The following RARB variants were observed in gnomAD, a reference collection of about 807,000 sequenced individuals.
RARB encodes retinoic acid receptor beta.
RARB carries 17 observed loss-of-function variants against 51.9 expected under a neutral mutation model. The observed-to-expected ratio is 0.33, with a 90% CI of 0.22 to 0.49. The LOEUF is 0.49. RARB is among the 20% of genes least tolerant of loss of function. The pLI is 0.99. For missense variants in RARB, 369 were observed against 550.8 expected (o/e 0.67, Z 3.30); for synonymous variants, 215 against 195.4 (o/e 1.10, Z -0.84).
At chr3:25,502,681 G>C (rs1195901051) in intron 3 of RARB, among the ~76,000 whole-genome samples, 2 of 152,138 alleles carry the variant, frequency 1.3e-5, no homozygotes, top group Non-Finnish European at 2.9e-5. Flanking sequence ...GGTTCAATGA[G>C]AGGGAATTCA....
At chr3:25,475,823 A>G (rs1695918506) in intron 2 of RARB, among the ~76,000 whole-genome samples, 1 of 152,228 alleles carries the variant, frequency 6.6e-6, no homozygotes, top group Non-Finnish European at 1.5e-5. Context: ...TCACAGTAAC[A>G]TCCTTTCTTC....
intron 5 of RARB, among the ~76,000 whole-genome samples, chr3:25,355,532 C>T (rs1279694457): frequency 1.3e-5 from 2 of 151,956 alleles, no homozygotes; most frequent in Non-Finnish European, 2.9e-5. Flanking sequence ...TGTCACTTCT[C>T]CAGCTTTGTT....
intron 2 of RARB, among the ~76,000 whole-genome samples, chr3:24,958,255 GTTTTTTTTTT>G (rs71057692): frequency 8.2e-4 from 57 of 69,474 alleles, no homozygotes; most frequent in African/African-American, 2.1e-3. Context: ...AGCTGCTCAG[GTTTTTTTTTT>G]TTTTTTTTTT....
chr3:24,904,488 C>T (rs185861266), intron 2 of RARB, among the ~76,000 whole-genome samples: 181 of 152,144 alleles, frequency 1.2e-3, no homozygotes, highest in Middle Eastern at 3.4e-3. Context: ...GTTAGAATGG[C>T]GATCATTAAA....
At chr3:24,969,991 C>G (rs1005659136) in intron 2 of RARB, among the ~76,000 whole-genome samples, 2 of 151,990 alleles carry the variant, frequency 1.3e-5, no homozygotes, top group African/African-American at 4.8e-5. Flanking sequence ...GGAAAAAGAA[C>G]GATCACCTAA....
At chr3:25,361,363 C>G (rs1705927151) in intron 5 of RARB, among the ~76,000 whole-genome samples, 1 of 152,184 alleles carries the variant, frequency 6.6e-6, no homozygotes, top group African/African-American at 2.4e-5. Flanking sequence ...ACTGGTTATT[C>G]TAGTTAGCAA....
intron 2 of RARB, among the ~76,000 whole-genome samples, chr3:25,466,280 C>T (rs148291953): frequency 1.3e-5 from 2 of 152,238 alleles, no homozygotes; most frequent in African/African-American, 4.8e-5. Context: ...CTCTGCCTCC[C>T]GGGTTCAAGC....
intron 2 of RARB, among the ~76,000 whole-genome samples, chr3:24,945,104 A>C (rs1695746080): frequency 6.6e-6 from 1 of 152,194 alleles, no homozygotes; most frequent in African/African-American, 2.4e-5. Context: ...ATTATCTATT[A>C]TGTTGAAGTT....
At chr3:25,249,619 T>C (rs552590750) in intron 5 of RARB, among the ~76,000 whole-genome samples, 33 of 152,158 alleles carry the variant, frequency 2.2e-4, no homozygotes, top group African/African-American at 7.5e-4. Flanking sequence ...GTATCCATGA[T>C]GTTGGTTGGG....
chr3:24,832,196 A>C (rs1459138686), intron 1 of RARB, among the ~76,000 whole-genome samples: 1 of 152,234 alleles, frequency 6.6e-6, no homozygotes, highest in Non-Finnish European at 1.5e-5. Flanking sequence ...CATGTGGTTA[A>C]GAAGGATCAA....
intron 5 of RARB, among the ~76,000 whole-genome samples, chr3:25,333,563 C>T (rs1241549861): frequency 6.6e-6 from 1 of 152,130 alleles, no homozygotes; most frequent in Non-Finnish European, 1.5e-5. Context: ...AGACCTAAAA[C>T]CATAAAAACC....
chr3:25,160,813 C>T (rs559143677), intron 4 of RARB, among the ~76,000 whole-genome samples: 20 of 152,250 alleles, frequency 1.3e-4, no homozygotes, highest in African/African-American at 4.6e-4. Context: ...TTTCCTTGCC[C>T]TTTTCAGCTT....
intron 5 of RARB, among the ~76,000 whole-genome samples, chr3:25,223,288 G>A (rs1431522461): frequency 2.6e-5 from 4 of 152,092 alleles, no homozygotes; most frequent in African/African-American, 7.2e-5. Context: ...TATGGCATCT[G>A]TGTTGTTGTA....
At chr3:25,538,895 G>A (rs1346614954) in intron 3 of RARB, among the ~76,000 whole-genome samples, 1 of 152,184 alleles carries the variant, frequency 6.6e-6, no homozygotes, top group Non-Finnish European at 1.5e-5. Flanking sequence ...AAAAGCAGTT[G>A]ATGTCACATT....
chr3:25,557,742 A>C (rs1426497640), intron 3 of RARB, among the ~76,000 whole-genome samples: 2 of 152,098 alleles, frequency 1.3e-5, no homozygotes, highest in African/African-American at 2.4e-5. Context: ...CACCATGAAC[A>C]GTGACTCGTC....
intron 2 of RARB, among the ~76,000 whole-genome samples, chr3:24,952,383 A>T (rs756829619): frequency 9.2e-5 from 14 of 152,128 alleles, no homozygotes; most frequent in Non-Finnish European, 2.1e-4. Flanking sequence ...ACATTATCTG[A>T]GATTTTAAAC....
chr3:25,345,557 C>T (rs547028696), intron 5 of RARB, among the ~76,000 whole-genome samples: 24 of 149,358 alleles, frequency 1.6e-4, no homozygotes, highest in East Asian at 6.1e-4. Context: ...CCTAGCTACT[C>T]GGGAGGCTGA....
intron 3 of RARB, among the ~76,000 whole-genome samples, chr3:25,130,473 G>A (rs1699927838): frequency 6.6e-6 from 1 of 151,766 alleles, no homozygotes. Flanking sequence ...GACTGAGCAT[G>A]TTGTCATTTT....
At chr3:25,126,456 A>G (rs1170262171) in intron 3 of RARB, among the ~76,000 whole-genome samples, 1 of 151,082 alleles carries the variant, frequency 6.6e-6, no homozygotes, top group Non-Finnish European at 1.5e-5. Flanking sequence ...TTTTTTTTTA[A>G]AGGTCACTAA....
Sources: allele counts gnomAD v4.1 joint callset (sites outside exome capture counted in the v4.1 genomes callset), GRCh38; gene constraint gnomAD v4.1.1; transcripts MANE v1.5; gene names NCBI Gene and HGNC (gene_info 2026-07-23, HGNC 2026-07-21).